DIP2C: variants seen among roughly 807,000 people sequenced by gnomAD.
The protein encoded by DIP2C is DIP2 acetate--CoA ligase C (putative), also known as disco-interacting protein 2 homolog C.
Under a neutral mutation model 192.4 loss-of-function variants are expected in DIP2C, and 33 were observed. The ratio of observed to expected loss-of-function variants is 0.17; its 90% CI spans 0.13 to 0.23. The LOEUF (loss-of-function observed/expected upper bound fraction) is 0.23. Among genes scored for constraint, DIP2C ranks in the 10% least tolerant of loss-of-function variants. The pLI, the probability that DIP2C is intolerant of heterozygous loss-of-function variation, is 1.00. For missense variants in DIP2C, 1,537 were observed against 2,110.1 expected, an observed-to-expected ratio of 0.73 and a Z score of 5.32; for synonymous variants, 979 against 864.1, an observed-to-expected ratio of 1.13 and a Z score of -2.33.
At chr10:566,498 T>G (rs1011062771) in intron 1 of DIP2C, among the ~76,000 whole-genome samples, 1 of 152,200 alleles carries the variant, frequency 6.6e-6, no homozygotes, top group Non-Finnish European at 1.5e-5. Context: ...ACTGATATTT[T>G]TACAGTTCAG....
rs575660479 is a variant in DIP2C at position 542,058 on chromosome 10, AC to A, written c.86-55529del. ...CTTCTATCTGCGGGAGCCGGCACCCACCCCTACAACTGACTGCACTCTCAGA... is the reference window on the plus strand; with the variant it reads ...CTTCTATCTGCGGGAGCCGGCACCCACCCTACAACTGACTGCACTCTCAGA... On this transcript the variant is annotated intron_variant, in intron 1 of 36. Transcript: ENST00000280886. Among the ~76,000 whole-genome samples the A allele has an allele frequency of 2.5e-3, 383 of 151,726 alleles. 3 individuals carry two copies. The Middle Eastern group carries it at 0.031, about 12-fold the overall frequency.
intron 1 of DIP2C, among the ~76,000 whole-genome samples, chr10:487,671 G>A (rs1844126471): frequency 6.8e-6 from 1 of 146,816 alleles, no homozygotes; most frequent in Admixed American, 6.9e-5. Flanking sequence ...TCCGCCTCCT[G>A]GGTTCACACC....
chr10:446,196 T>C (rs994401788), intron 3 of DIP2C, among the ~76,000 whole-genome samples: 1 of 151,180 alleles, frequency 6.6e-6, no homozygotes, highest in African/African-American at 2.4e-5. Flanking sequence ...TATCTTGCAC[T>C]GGGCATCTGT....
chr10:545,213 CTGGAG>C (rs1448555140), intron 1 of DIP2C, among the ~76,000 whole-genome samples: 1 of 124,078 alleles, frequency 8.1e-6, no homozygotes, highest in Non-Finnish European at 1.6e-5. Context: ...TCTGTCCAGG[CTGGAG>C]TGTAGTGGCA....
chr10:541,904 G>T (rs147939980), intron 1 of DIP2C, among the ~76,000 whole-genome samples: 3 of 152,076 alleles, frequency 2.0e-5, no homozygotes, highest in Admixed American at 6.5e-5. Flanking sequence ...TCACCTTCTC[G>T]TCGGGTCAAG....
chr10:456,777 T>C (rs1183858112), intron 3 of DIP2C, among the ~76,000 whole-genome samples: 4 of 152,332 alleles, frequency 2.6e-5, no homozygotes, highest in South Asian at 2.1e-4. Flanking sequence ...ACGACGATTT[T>C]TGTTCCACCG....
chr10:417,381 G>A (rs559137528), intron 6 of DIP2C, among the ~76,000 whole-genome samples: 10 of 152,250 alleles, frequency 6.6e-5, no homozygotes, highest in East Asian at 3.9e-4. Flanking sequence ...CTTGAAAGAC[G>A]ACAAAGTTAC....
In DIP2C at chr10:390,292, T is replaced by C; in HGVS notation, c.1466A>G (p.Asp489Gly). ...PPRDWFPHIK[D>G]ANNDTAYIEY... ...AATATACGCAGTGTCGTTATTGGCATCTTTAATGTGTGGGAACCAGTCTCG... is the reference window on the plus strand; with the variant it reads ...AATATACGCAGTGTCGTTATTGGCACCTTTAATGTGTGGGAACCAGTCTCG... The change falls in exon 12 of 37, where the codon GAT becomes GGT. Residue 489 changes from aspartate (D) to glycine (G), a missense_variant. Coordinates refer to ENST00000280886, the MANE Select transcript of DIP2C (RefSeq NM_014974.3). 6.2e-7 allele frequency: 1 copy of C among 1,614,020 alleles called. No individual in the cohort carries two copies. The highest frequency in any genetic ancestry group is 8.5e-7 in the Non-Finnish European group (1 of 1,180,006).
chr10:364,859 G>C, intron 19 of DIP2C: 2 of 631,398 alleles, frequency 3.2e-6, no homozygotes, highest in Non-Finnish European at 6.0e-6. Flanking sequence ...ATAACACCCA[G>C]AAGTCTCACA....
At chr10:449,782 TA>T (rs59436219) in intron 3 of DIP2C, among the ~76,000 whole-genome samples, 10,506 of 127,108 alleles carry the variant, frequency 0.083, 447 homozygotes, top group East Asian at 0.17. Context: ...AAAGTATAAT[TA>T]AAAAAAAAAA....
chr10:515,969 G>A (rs1290499240), intron 1 of DIP2C, among the ~76,000 whole-genome samples: 2 of 151,918 alleles, frequency 1.3e-5, no homozygotes, highest in South Asian at 4.2e-4. Flanking sequence ...AGAAAGTGAT[G>A]GCACTAAGAA....
chr10:478,008 A>AGAGAGGAGAG (rs202012059), intron 2 of DIP2C, among the ~76,000 whole-genome samples: 1 of 4,048 alleles, frequency 2.5e-4, no homozygotes, highest in African/African-American at 1.4e-3. Flanking sequence ...AGAGGAAAAA[A>AGAGAGGAGAG]GAGGGGAGGG....
In DIP2C at chr10:413,942, T is replaced by C. The variant is rs761168204; in HGVS notation, c.1028A>G (p.Asn343Ser). 5 of 1,614,150 alleles carry C rather than the reference T, an allele frequency of 3.1e-6. No homozygotes were observed. Among genetic ancestry groups the C allele is most frequent in the Non-Finnish European group, 4.2e-6 (5 of 1,180,010 alleles). ...AGTGAGGATGTAGAGGGGCTTCCCG[T>C]TGGTGTCCATGGTGGTCAGGCAGGG... ...KAPCLTTMDT[N>S]GKPLYILTYG... The change falls in exon 8 of 37, where the codon AAC (asparagine) becomes AGC (serine). Residue 343 changes from asparagine to serine, a missense_variant. By Grantham distance (46) the Asn-to-Ser change is conservative. Coordinates refer to ENST00000280886, the MANE Select transcript of DIP2C (RefSeq NM_014974.3).
At chr10:395,490 G>A (rs1016201900) in intron 10 of DIP2C, among the ~76,000 whole-genome samples, 2 of 152,188 alleles carry the variant, frequency 1.3e-5, no homozygotes, top group Non-Finnish European at 2.9e-5. Flanking sequence ...GAGAGGCTCG[G>A]CCTCAGGGGA....
chr10:312,444 C>T (rs945691244), intron 31 of DIP2C, among the ~76,000 whole-genome samples: 3 of 152,142 alleles, frequency 2.0e-5, no homozygotes, highest in Non-Finnish European at 4.4e-5. Context: ...GTGTACGGCC[C>T]GGCACCCACC....
chr10:387,700 G>T (rs748579943), intron 14 of DIP2C, 45 bp downstream of exon 14: 3 of 1,597,346 alleles, frequency 1.9e-6, no homozygotes, highest in Non-Finnish European at 2.6e-6. Context: ...GGGCAGGGTG[G>T]GGGACTCCTT....
rs1416346564 is a variant in DIP2C at position 569,920 on chromosome 10, AAGCCAGAAATCTACAGTGCTTCTGGC to A, written c.86-83416_86-83391del. On this transcript the variant is annotated intron_variant, in intron 1 of 36. Transcript: ENST00000280886. Reference sequence around the variant, plus strand: ...ATGTCCATAAGTCAGCAAGTTCTGGAAGCCAGAAATCTACAGTGCTTCTGGCAGCCAAGTCCTCTCAGCCTTCCCCC... The same window carrying A: ...ATGTCCATAAGTCAGCAAGTTCTGGAAGCCAAGTCCTCTCAGCCTTCCCCC... Among the ~76,000 whole-genome samples, 4 of 152,318 alleles carry A rather than the reference AAGCCAGAAATCTACAGTGCTTCTGGC, an allele frequency of 2.6e-5. No homozygotes were observed. In the East Asian group the frequency reaches 7.7e-4, roughly 29 times the overall value.
chr10:583,035 G>A (rs1319287150), intron 1 of DIP2C, among the ~76,000 whole-genome samples: 1 of 152,186 alleles, frequency 6.6e-6, no homozygotes, highest in Non-Finnish European at 1.5e-5. Context: ...TATGGCAGTT[G>A]CCACATATTT....
chr10:638,165 G>A lies in DIP2C; in HGVS notation c.85+51329C>T, dbSNP rs1020777245. Among the ~76,000 whole-genome samples, 4 of 152,194 alleles carry A rather than the reference G, an allele frequency of 2.6e-5. No homozygotes were observed. In the East Asian group the frequency reaches 7.7e-4, roughly 29 times the overall value. ...AAGTAAAAATGAAAACAGGACTGCT[G>A]TGAAAAGCTCATGCTTAATCACCTC... is the stretch of plus-strand genomic sequence containing the variant. On this transcript the variant is annotated intron_variant, in intron 1 of 36. Coordinates refer to ENST00000280886, the MANE Select transcript of DIP2C (RefSeq NM_014974.3).
Sources: gnomAD v4.1 joint callset for allele counts (sites outside exome capture counted in the v4.1 genomes callset) on GRCh38, gnomAD v4.1.1 for gene constraint, MANE v1.5 for transcripts, NCBI Gene and HGNC (gene_info 2026-07-23, HGNC 2026-07-21) for gene names.